CCDC50: variants seen among roughly 807,000 people sequenced by gnomAD.
The protein encoded by CCDC50 is coiled-coil domain containing 50, also known as coiled-coil domain-containing protein 50.
CCDC50 carries 54 observed loss-of-function variants against 70.2 expected under a neutral mutation model. The observed-to-expected ratio is 0.77, with a 90% confidence interval of 0.62 to 0.96. The LOEUF is 0.96. Among genes scored for constraint, CCDC50 ranks in the 50% least tolerant of loss-of-function variants. CCDC50 has a pLI of 0.00. For synonymous variants in CCDC50, 216 were observed against 198.8 expected (o/e 1.09, Z -0.73); for missense variants, 558 against 578.7 (o/e 0.96, Z 0.37).
Position 191,397,204 on chromosome 3 carries a change from CAT to C in CCDC50, c.*5447_*5448del, listed in dbSNP as rs1713889525. The C allele has an allele frequency of 2.6e-5, 4 of 152,162 alleles. No individual in the cohort carries two copies. The highest frequency in any genetic ancestry group is 2.6e-4 in the Admixed American group (4 of 15,278). 9.4% of individuals were successfully genotyped at this position (152,162 alleles called of 1,614,324 possible). ...AGACAGCTAAGAGAACATACTATGA[CAT>C]ATCATAGAATTGGGATACATTTTTG... is the stretch of plus-strand genomic sequence containing the variant. On this transcript the variant is annotated 3_prime_UTR_variant, in exon 12 of 12. Coordinates refer to ENST00000392455, the MANE Select transcript of CCDC50 (RefSeq NM_178335.3).
At position 191,394,119 on chromosome 3, in the gene CCDC50, T is replaced by G. The variant is rs1283783774; in HGVS notation, c.*2359T>G. 1 of 152,166 alleles carries G rather than the reference T, an allele frequency of 6.6e-6. No individual in the cohort carries two copies. Among genetic ancestry groups the G allele is most frequent in the Non-Finnish European group, 1.5e-5 (1 of 68,004 alleles). 9.4% of individuals were successfully genotyped at this position (152,166 alleles called of 1,614,324 possible). ...AATGTTAGTGTTTCAGCTGTTTTAG[T>G]AAGTGACCAAGTAAGCTATCACCTT... On this transcript the variant is annotated 3_prime_UTR_variant, in exon 12 of 12. Transcript: ENST00000392455.
Position 191,394,814 on chromosome 3 carries a change from C to T in CCDC50, c.*3054C>T, listed in dbSNP as rs996415023. ...CTTTTGCGTTCAAACCACTGTTAGA[C>T]GTAAGTATTTTATTAGACATAAGTA... On this transcript the variant is annotated 3_prime_UTR_variant, in exon 12 of 12. Coordinates refer to ENST00000392455, the MANE Select transcript of CCDC50 (RefSeq NM_178335.3). 5.9e-5 allele frequency: 9 copies of T among 152,054 alleles called. No individual in the cohort carries two copies. Among genetic ancestry groups the T allele is most frequent in the Admixed American group, 2.6e-4 (4 of 15,264 alleles). 9.4% of individuals were successfully genotyped at this position (152,054 alleles called of 1,614,324 possible).
intron 10 of CCDC50, among the ~76,000 whole-genome samples, chr3:191,386,925 G>T: frequency 6.6e-6 from 1 of 152,076 alleles, no homozygotes; most frequent in Admixed American, 6.5e-5. Flanking sequence ...TTTAACTACA[G>T]GATTTTATAC....
At chr3:191,338,443 G>C (rs1711591621) in intron 1 of CCDC50, among the ~76,000 whole-genome samples, 1 of 152,180 alleles carries the variant, frequency 6.6e-6, no homozygotes, top group Admixed American at 6.5e-5. Context: ...TACATCTGGA[G>C]TTTGCCTTAA....
intron 1 of CCDC50, among the ~76,000 whole-genome samples, chr3:191,341,546 T>G (rs1299609502): frequency 6.6e-6 from 1 of 152,198 alleles, no homozygotes; most frequent in Non-Finnish European, 1.5e-5. Context: ...TTTATTTGTA[T>G]GTTATTGAAG....
chr3:191,362,773 C>T (rs1712540763), intron 4 of CCDC50, among the ~76,000 whole-genome samples: 1 of 152,144 alleles, frequency 6.6e-6, no homozygotes, highest in Non-Finnish European at 1.5e-5. Context: ...TGTTCAATGC[C>T]AGATGAATGT....
chr3:191,331,940 T>A (rs1441372684), intron 1 of CCDC50, among the ~76,000 whole-genome samples: 3 of 152,214 alleles, frequency 2.0e-5, no homozygotes, highest in Non-Finnish European at 4.4e-5. Flanking sequence ...ATGCAGATTT[T>A]TGAACCCCAT....
intron 11 of CCDC50, 78 bp from the exon 12 acceptor site, chr3:191,391,663 C>A: frequency 8.0e-7 from 1 of 1,244,366 alleles, no homozygotes; most frequent in Non-Finnish European, 1.2e-6. Context: ...AGTTATTTTA[C>A]TTGGGCAGGG....
At chr3:191,386,000 C>A (rs1209918592) in intron 10 of CCDC50, among the ~76,000 whole-genome samples, 3 of 152,116 alleles carry the variant, frequency 2.0e-5, no homozygotes, top group African/African-American at 7.2e-5. Context: ...GGTTTTGTAC[C>A]AATACCATGC....
At chr3:191,373,313 T>C (rs888277368) in intron 5 of CCDC50, among the ~76,000 whole-genome samples, 1 of 152,128 alleles carries the variant, frequency 6.6e-6, no homozygotes, top group Non-Finnish European at 1.5e-5. Context: ...GAGAATAAAC[T>C]TTTTCAGTCA....
rs201015131 is a variant in CCDC50 at position 191,358,038 on chromosome 3, G to A, written c.153G>A (p.Leu51=). 6.6e-5 allele frequency: 107 copies of A among 1,613,882 alleles called. No homozygotes were observed. The highest frequency in any genetic ancestry group is 9.0e-5 in the Non-Finnish European group (106 of 1,179,920). Residue 51 remains leucine (L), a synonymous_variant, in exon 3 of 12, where the codon TTG becomes TTA. Coordinates refer to ENST00000392455, the MANE Select transcript of CCDC50 (RefSeq NM_178335.3). ...CATCGAACGTTCAGCGGAACCGTTT[G>A]GTCCAGCATGATCTCCAGGTGGCTA... ...HLASNVQRNR[L]VQHDLQVAKQ...
rs201856535 is a variant in CCDC50 at position 191,380,231 on chromosome 3, A to C, written c.1049A>C (p.Tyr350Ser). The C allele has an allele frequency of 3.7e-6, 6 of 1,612,692 alleles. No homozygotes were observed. The highest frequency in any genetic ancestry group is 5.1e-6 in the Non-Finnish European group (6 of 1,179,350). Residue 350 changes from tyrosine to serine, a missense_variant, in exon 7 of 12, where the codon TAT becomes TCT. By Grantham distance (144) the Tyr-to-Ser change is moderately radical. Transcript: ENST00000392455. ...SRMAHRDQEW[Y>S]DAEIARKLQE... ...ATGGCCCACAGGGATCAGGAATGGT[A>C]TGATGCTGAAATTGCCAGAAAACTG...
chr3:191,378,170 G>T (rs186065), intron 6 of CCDC50, among the ~76,000 whole-genome samples: 87,733 of 151,792 alleles, frequency 0.58, 27,023 homozygotes, highest in African/African-American at 0.81. Context: ...ATACATCAAG[G>T]GTTTAAATAA....
chr3:191,378,409 G>T (rs531653272), intron 6 of CCDC50, among the ~76,000 whole-genome samples: 1 of 152,192 alleles, frequency 6.6e-6, no homozygotes, highest in South Asian at 2.1e-4. Flanking sequence ...ACTTTAGGAG[G>T]CATAATAGTG....
rs1433681995 is a variant in CCDC50, at chr3:191,397,370, C to A, written c.*5610C>A. The A allele has an allele frequency of 6.6e-6, 1 of 152,284 alleles. No homozygotes were observed. 9.4% of individuals were successfully genotyped at this position (152,284 alleles called of 1,614,324 possible). A position where few individuals can be genotyped will look rare whatever the true frequency, so the allele number is the denominator to read the frequency against. On this transcript the variant is annotated 3_prime_UTR_variant, in exon 12 of 12. Coordinates refer to ENST00000392455, the MANE Select transcript of CCDC50 (RefSeq NM_178335.3). ...CTATGGTCTCTAATTTCAGCTCTTG[C>A]TGTAAACTGCAAGCCAAATGCTCTT...
At chr3:191,371,530 C>G (rs1402809757) in intron 5 of CCDC50, among the ~76,000 whole-genome samples, 1 of 152,154 alleles carries the variant, frequency 6.6e-6, no homozygotes, top group Non-Finnish European at 1.5e-5. Context: ...TCATCAACTG[C>G]TTTTCTGTAA....
At chr3:191,390,513 T>C (rs1012026632) in intron 11 of CCDC50, among the ~76,000 whole-genome samples, 2 of 151,636 alleles carry the variant, frequency 1.3e-5, no homozygotes, top group Admixed American at 1.3e-4. Context: ...ATTCATGAGT[T>C]TTCTGGGAAA....
At chr3:191,335,650 A>G (rs1711507654) in intron 1 of CCDC50, among the ~76,000 whole-genome samples, 1 of 152,170 alleles carries the variant, frequency 6.6e-6, no homozygotes, top group Admixed American at 6.5e-5. Context: ...GTGTGTGCAT[A>G]GGATAGTTTT....
rs573743402 is a variant in CCDC50 at position 191,353,719 on chromosome 3, T to C, written c.50-3369T>C. 4.2e-5 allele frequency among the ~76,000 whole-genome samples: 6 copies of C among 142,064 alleles called. No individual in the cohort carries two copies. The South Asian group carries it at 1.1e-3, about 26-fold the overall frequency. 93.2% of individuals were successfully genotyped at this position (142,064 alleles called of 152,430 possible). A position where few individuals can be genotyped will look rare whatever the true frequency, so the allele number is the denominator to read the frequency against. On this transcript the variant is annotated intron_variant, in intron 1 of 11. Transcript: ENST00000392455. ...ATTAGAGTGGGTTCAGAAGAAATTA[T>C]ATATTGGGCAAGTAATATTTCAGTA...
Sources: gnomAD v4.1 joint callset for allele counts (sites outside exome capture counted in the v4.1 genomes callset) on GRCh38, gnomAD v4.1.1 for gene constraint, MANE v1.5 for transcripts, NCBI Gene and HGNC (gene_info 2026-07-23, HGNC 2026-07-21) for gene names.